SKAP1: variants seen among roughly 807,000 people sequenced by gnomAD.
SKAP1 encodes src kinase associated phosphoprotein 1.
A neutral mutation model predicts 58.5 loss-of-function variants in SKAP1; 44 were observed. The ratio of observed to expected loss-of-function variants is 0.75; its 90% CI spans 0.59 to 0.97. The LOEUF (loss-of-function observed/expected upper bound fraction) is 0.97. Among genes scored for constraint, SKAP1 ranks in the 50% least tolerant of loss-of-function variants. SKAP1 has a pLI of 0.00. For synonymous variants in SKAP1, 127 were observed against 149.7 expected, an observed-to-expected ratio of 0.85 and a Z score of 1.11; for missense variants, 390 against 435.2, an observed-to-expected ratio of 0.90 and a Z score of 0.92.
At chr17:48,325,844 A>G (rs907175077) in intron 4 of SKAP1, among the ~76,000 whole-genome samples, 3 of 152,224 alleles carry the variant, frequency 2.0e-5, no homozygotes, top group Admixed American at 6.5e-5. Context: ...AGGGAAAACA[A>G]TGTATATCTT....
At chr17:48,289,910 G>C (rs1456538294) in intron 4 of SKAP1, among the ~76,000 whole-genome samples, 1 of 152,082 alleles carries the variant, frequency 6.6e-6, no homozygotes, top group Non-Finnish European at 1.5e-5. Context: ...TTCACCTAAA[G>C]AGTGGCTGCA....
At chr17:48,220,852 CAAAAAAA>C (rs56006389) in intron 4 of SKAP1, among the ~76,000 whole-genome samples, 1 of 83,660 alleles carries the variant, frequency 1.2e-5, no homozygotes, top group East Asian at 3.5e-4. Flanking sequence ...GACTCCATCT[CAAAAAAA>C]AAAAAAAAAA....
chr17:48,238,343 G>A lies in SKAP1; in HGVS notation c.281-48843C>T, dbSNP rs145443398. Among the ~76,000 whole-genome samples the A allele has an allele frequency of 1.6e-4, 25 of 152,120 alleles. No homozygotes were observed. In the East Asian group the frequency reaches 4.8e-3, roughly 29 times the overall value. On this transcript the variant is annotated intron_variant, in intron 4 of 12. Transcript: ENST00000336915. ...ATTTCTATCTCACCAAGCTTCTGGG[G>A]ACAAAAAGATTATCTTTCATGTAGT...
intron 1 of SKAP1, among the ~76,000 whole-genome samples, chr17:48,405,171 C>T (rs1472898868): frequency 1.3e-5 from 2 of 151,986 alleles, no homozygotes; most frequent in Non-Finnish European, 2.9e-5. Context: ...GTGTGTCCAA[C>T]AGAAACAGAA....
At chr17:48,356,220 T>G (rs2066874195) in intron 3 of SKAP1, among the ~76,000 whole-genome samples, 1 of 152,090 alleles carries the variant, frequency 6.6e-6, no homozygotes, top group South Asian at 2.1e-4. Flanking sequence ...ATCAAGCCAC[T>G]GCACTCCAGC....
intron 1 of SKAP1, among the ~76,000 whole-genome samples, chr17:48,417,438 A>G (rs2067745292): frequency 6.6e-6 from 1 of 152,242 alleles, no homozygotes. Flanking sequence ...GTTTAAGAAT[A>G]TATTCTATAG....
intron 4 of SKAP1, among the ~76,000 whole-genome samples, chr17:48,335,339 T>A (rs2066554294): frequency 6.6e-6 from 1 of 151,986 alleles, no homozygotes; most frequent in Admixed American, 6.5e-5. Flanking sequence ...AATCACTTTT[T>A]GCATTGCCAT....
chr17:48,294,095 C>T (rs950444319), intron 4 of SKAP1, among the ~76,000 whole-genome samples: 1 of 152,222 alleles, frequency 6.6e-6, no homozygotes, highest in Admixed American at 6.5e-5. Context: ...CAAGCTGTCA[C>T]ACCTACAGAA....
chr17:48,391,803 TCTG>T (rs2067350207), intron 2 of SKAP1, among the ~76,000 whole-genome samples: 1 of 134,106 alleles, frequency 7.5e-6, no homozygotes. Flanking sequence ...TTTTTTTTTT[TCTG>T]CATTGGCACT....
chr17:48,237,976 G>T (rs1005253413), intron 4 of SKAP1, among the ~76,000 whole-genome samples: 44 of 147,128 alleles, frequency 3.0e-4, no homozygotes, highest in Admixed American at 6.8e-4. Context: ...TGTTGTTGTT[G>T]TTTTTTGTTT....
intron 9 of SKAP1, among the ~76,000 whole-genome samples, chr17:48,179,344 A>G (rs558726241): frequency 5.3e-5 from 8 of 152,264 alleles, no homozygotes; most frequent in Middle Eastern, 3.4e-3. Flanking sequence ...TCTGACCCCC[A>G]CTGAGCTTTG....
At chr17:48,146,516 G>A (rs1319468351) in intron 11 of SKAP1, among the ~76,000 whole-genome samples, 2 of 150,662 alleles carry the variant, frequency 1.3e-5, no homozygotes, top group Non-Finnish European at 3.0e-5. Context: ...CAATGAAGGG[G>A]AATCAAGAAT....
chr17:48,213,345 T>G (rs1256852249), intron 4 of SKAP1, among the ~76,000 whole-genome samples: 1 of 112,900 alleles, frequency 8.9e-6, no homozygotes, highest in Non-Finnish European at 1.9e-5. Context: ...AGCAAAACTC[T>G]GTCTCAAAAA....
At chr17:48,348,257 G>A (rs558183094) in intron 3 of SKAP1, among the ~76,000 whole-genome samples, 5 of 150,600 alleles carry the variant, frequency 3.3e-5, no homozygotes, top group South Asian at 2.1e-4. Flanking sequence ...TGGGGGGATC[G>A]TTTGAGCCAA....
At chr17:48,328,433 C>A (rs1337718574) in intron 4 of SKAP1, among the ~76,000 whole-genome samples, 3 of 151,904 alleles carry the variant, frequency 2.0e-5, no homozygotes, top group Non-Finnish European at 4.4e-5. Flanking sequence ...TAAATGATAC[C>A]CCCGTACTGA....
At chr17:48,165,752 T>C (rs949183329) in intron 10 of SKAP1, among the ~76,000 whole-genome samples, 4 of 152,276 alleles carry the variant, frequency 2.6e-5, no homozygotes, top group Non-Finnish European at 5.9e-5. Context: ...AGGGTGAGGC[T>C]TGCCTCTATG....
chr17:48,138,183 A>G (rs1021965893), intron 11 of SKAP1, among the ~76,000 whole-genome samples: 5 of 152,028 alleles, frequency 3.3e-5, no homozygotes, highest in Non-Finnish European at 7.4e-5. Context: ...AAAGCACAGC[A>G]GATGTTGAAG....
chr17:48,172,621 T>G (rs2064232036), intron 9 of SKAP1, among the ~76,000 whole-genome samples: 1 of 152,218 alleles, frequency 6.6e-6, no homozygotes. Context: ...GGCTGAATAC[T>G]CAGCTCCTCC....
intron 2 of SKAP1, among the ~76,000 whole-genome samples, chr17:48,387,607 T>C (rs866191302): frequency 6.6e-6 from 1 of 152,204 alleles, no homozygotes; most frequent in African/African-American, 2.4e-5. Context: ...GTTTTAGTGA[T>C]AACATTTACT....
Sources: gnomAD v4.1 joint callset for allele counts (sites outside exome capture counted in the v4.1 genomes callset) on GRCh38, gnomAD v4.1.1 for gene constraint, MANE v1.5 for transcripts, NCBI Gene and HGNC (gene_info 2026-07-23, HGNC 2026-07-21) for gene names.